Variants in CNTN1 observed in about 807,000 individuals in gnomAD.
The protein encoded by CNTN1 is contactin-1.
CNTN1 carries 38 observed loss-of-function variants against 126.4 expected under a neutral mutation model. That is an observed-to-expected ratio of 0.30 (90% CI 0.23 to 0.39). The LOEUF (loss-of-function observed/expected upper bound fraction) is 0.39, where lower values mean the gene tolerates loss of function less well. Among genes scored for constraint, CNTN1 ranks in the 10% least tolerant of loss-of-function variants. The pLI is 1.00. For synonymous variants in CNTN1, 413 were observed against 422.6 expected (o/e 0.98, Z 0.28); for missense variants, 1,009 against 1,248.4 (o/e 0.81, Z 2.89).
chr12:40,758,687 C>T (rs1379849487), intron 1 of CNTN1, among the ~76,000 whole-genome samples: 2 of 152,064 alleles, frequency 1.3e-5, no homozygotes, highest in Admixed American at 6.6e-5. Flanking sequence ...CCAGTTTCAA[C>T]AGTTATCAAC....
At chr12:40,767,747 A>G (rs147172518) in intron 1 of CNTN1, among the ~76,000 whole-genome samples, 8 of 152,116 alleles carry the variant, frequency 5.3e-5, no homozygotes, top group African/African-American at 1.9e-4. Flanking sequence ...ACCTTTCTTT[A>G]TATGTTACTT....
At chr12:40,949,192 CAATTT>C (rs1417979012) in intron 14 of CNTN1, among the ~76,000 whole-genome samples, 2 of 107,696 alleles carry the variant, frequency 1.9e-5, no homozygotes, top group African/African-American at 7.4e-5. Flanking sequence ...AAACAGAAGT[CAATTT>C]GTTTTTTTTT....
At chr12:41,031,690 C>T (rs566353567) in intron 23 of CNTN1, among the ~76,000 whole-genome samples, 2 of 152,030 alleles carry the variant, frequency 1.3e-5, no homozygotes, top group East Asian at 3.9e-4. Flanking sequence ...ATATTTTTCT[C>T]TTTTTGCCAA....
chr12:40,860,803 C>T (rs936753784), intron 1 of CNTN1, among the ~76,000 whole-genome samples: 1 of 152,078 alleles, frequency 6.6e-6, no homozygotes, highest in Admixed American at 6.6e-5. Context: ...TTATTACTTA[C>T]ACATGATTCA....
chr12:41,063,007 A>AT (rs750239470), intron 23 of CNTN1, among the ~76,000 whole-genome samples: 3 of 152,260 alleles, frequency 2.0e-5, no homozygotes, highest in Admixed American at 6.5e-5. Flanking sequence ...TAAATTTACC[A>AT]TTTTTTCAGA....
chr12:40,910,869 A>G (rs1440603552), intron 3 of CNTN1, among the ~76,000 whole-genome samples: 1 of 152,186 alleles, frequency 6.6e-6, no homozygotes, highest in Non-Finnish European at 1.5e-5. Flanking sequence ...GCATGATGGT[A>G]GGAGAATGAA....
At chr12:40,862,577 C>T (rs974422664) in intron 1 of CNTN1, among the ~76,000 whole-genome samples, 12 of 152,120 alleles carry the variant, frequency 7.9e-5, no homozygotes, top group South Asian at 2.1e-4. Context: ...TTATGAATAT[C>T]ATCTGGCTTT....
At chr12:40,956,502 A>C (rs1946885508) in intron 14 of CNTN1, among the ~76,000 whole-genome samples, 1 of 152,100 alleles carries the variant, frequency 6.6e-6, no homozygotes, top group African/African-American at 2.4e-5. Flanking sequence ...GGTATTGGGT[A>C]GAGGTGAAGG....
chr12:40,798,491 G>C (rs1276651986), intron 1 of CNTN1, among the ~76,000 whole-genome samples: 1 of 151,832 alleles, frequency 6.6e-6, no homozygotes, highest in Non-Finnish European at 1.5e-5. Context: ...GATAGCCAAG[G>C]GTGTTCCCCA....
chr12:40,729,546 C>A (rs17128689), intron 1 of CNTN1: 8 of 226,238 alleles, frequency 3.5e-5, no homozygotes, highest in Non-Finnish European at 7.9e-5. Context: ...GCAGTGAAAC[C>A]TGGTGTTTGA....
chr12:40,714,662 T>G (rs2121182870), intron 1 of CNTN1, among the ~76,000 whole-genome samples: 1 of 152,272 alleles, frequency 6.6e-6, no homozygotes, highest in African/African-American at 2.4e-5. Context: ...AACATGAATT[T>G]TTTTTATAGA....
chr12:40,773,714 T>TATAC (rs1309286813), intron 1 of CNTN1, among the ~76,000 whole-genome samples: 8 of 42,078 alleles, frequency 1.9e-4, no homozygotes, highest in African/African-American at 4.6e-4. Context: ...TATATATATA[T>TATAC]ACACATATAT....
At chr12:40,854,875 T>C (rs1470901002) in intron 1 of CNTN1, among the ~76,000 whole-genome samples, 1 of 151,920 alleles carries the variant, frequency 6.6e-6, no homozygotes, top group Non-Finnish European at 1.5e-5. Context: ...AAGAGGAATT[T>C]GAGAACGAGC....
intron 1 of CNTN1, among the ~76,000 whole-genome samples, chr12:40,700,621 G>A (rs1459119648): frequency 2.6e-5 from 4 of 152,064 alleles, no homozygotes; most frequent in Admixed American, 2.6e-4. Flanking sequence ...CATATATTCT[G>A]TGTAATCTTG....
intron 1 of CNTN1, among the ~76,000 whole-genome samples, chr12:40,891,159 A>G (rs943025343): frequency 1.3e-5 from 2 of 152,118 alleles, no homozygotes; most frequent in South Asian, 4.1e-4. Context: ...CCATTTGTTT[A>G]TCTTCTTTGG....
At chr12:41,036,704 A>T (rs1343320609) in intron 23 of CNTN1, among the ~76,000 whole-genome samples, 1 of 152,130 alleles carries the variant, frequency 6.6e-6, no homozygotes. Context: ...CCATATTTTC[A>T]TTTTCAGTAT....
rs80155908 is a variant in CNTN1 at position 40,943,271 on chromosome 12, G to A, written c.1380-326G>A. 0.031 allele frequency among the ~76,000 whole-genome samples: 4,741 copies of A among 152,170 alleles called. 97 individuals carry two copies. Among genetic ancestry groups the A allele is most frequent in the South Asian group, 0.11 (535 of 4,826 alleles). On this transcript the variant is annotated intron_variant, in intron 12 of 23. Coordinates refer to ENST00000551295, the MANE Select transcript of CNTN1 (RefSeq NM_001843.4). ...TCCTCACCTCCTAGTCTGAATTGAA[G>A]TCCTGAGGTTACATTTCTGGGAGAC... is the stretch of plus-strand genomic sequence containing the variant.
chr12:40,960,502 T>C (rs1005248529), intron 15 of CNTN1, among the ~76,000 whole-genome samples: 2 of 152,034 alleles, frequency 1.3e-5, no homozygotes, highest in African/African-American at 4.8e-5. Flanking sequence ...AGAGCAATGT[T>C]AATATGGGGT....
chr12:40,897,384 G>A (rs1944447952), intron 1 of CNTN1, among the ~76,000 whole-genome samples: 1 of 152,078 alleles, frequency 6.6e-6, no homozygotes, highest in African/African-American at 2.4e-5. Flanking sequence ...TTGAGAATTT[G>A]CTTCTACTGT....
Sources: gnomAD v4.1 joint callset for allele counts (sites outside exome capture counted in the v4.1 genomes callset) on GRCh38, gnomAD v4.1.1 for gene constraint, MANE v1.5 for transcripts, NCBI Gene and HGNC (gene_info 2026-07-23, HGNC 2026-07-21) for gene names.